TMEM132D: variants seen among roughly 807,000 people sequenced by gnomAD.
TMEM132D encodes transmembrane protein 132D.
TMEM132D carries 21 observed loss-of-function variants against 62.3 expected under a neutral mutation model. The ratio of observed to expected loss-of-function variants is 0.34; its 90% confidence interval spans 0.24 to 0.49. The LOEUF is 0.49. TMEM132D is among the 20% of genes least tolerant of loss of function. The pLI is 0.99. For missense variants in TMEM132D, 1,346 were observed against 1,402.8 expected (o/e 0.96, Z 0.65); for synonymous variants, 621 against 575.6 (o/e 1.08, Z -1.13).
At chr12:129,288,316 A>G (rs1881360771) in intron 4 of TMEM132D, among the ~76,000 whole-genome samples, 1 of 152,228 alleles carries the variant, frequency 6.6e-6, no homozygotes, top group Non-Finnish European at 1.5e-5. Flanking sequence ...ATGAAACGGG[A>G]AAATATTTGC....
In TMEM132D at chr12:129,813,630, A is replaced by ATATT. The variant is rs1555233398; in HGVS notation, c.79+89630_79+89631insAATA. On this transcript the variant is annotated intron_variant, in intron 1 of 8. Transcript: ENST00000422113. ...AAATGTGATATATATATATATATAT[A>ATATT]TTTTCAGGACTATTTCAGACATTGG... 4.8e-4 allele frequency among the ~76,000 whole-genome samples: 71 copies of ATATT among 147,146 alleles called. 1 individual carries two copies. The highest frequency in any genetic ancestry group is 1.5e-3 in the African/African-American group (59 of 40,054).
intron 3 of TMEM132D, among the ~76,000 whole-genome samples, chr12:129,445,842 G>A (rs1873080822): frequency 6.6e-6 from 1 of 152,166 alleles, no homozygotes; most frequent in Non-Finnish European, 1.5e-5. Flanking sequence ...TTATGTGCAG[G>A]AAGTTATTGG....
Position 129,449,119 on chromosome 12 carries a change from G to A in TMEM132D, c.1115+81940C>T, listed in dbSNP as rs200461574. ...AAGTGAGATTTCATGGTTCACAATGGGAATGGAGTATTGTTAAGAGGGAAG... is the reference window on the plus strand; with the variant it reads ...AAGTGAGATTTCATGGTTCACAATGAGAATGGAGTATTGTTAAGAGGGAAG... On this transcript the variant is annotated intron_variant, in intron 3 of 8. Coordinates refer to ENST00000422113, the MANE Select transcript of TMEM132D (RefSeq NM_133448.3). Among the ~76,000 whole-genome samples, 8 of 152,216 alleles carry A rather than the reference G, an allele frequency of 5.3e-5. No homozygotes were observed. In the East Asian group the frequency reaches 1.2e-3, roughly 22 times the overall value.
At chr12:129,560,600 A>T (rs1427784448) in intron 2 of TMEM132D, among the ~76,000 whole-genome samples, 1 of 152,216 alleles carries the variant, frequency 6.6e-6, no homozygotes, top group Non-Finnish European at 1.5e-5. Context: ...GATATACAAG[A>T]AGACAAACTA....
chr12:129,745,133 G>T (rs1412400325), intron 1 of TMEM132D, among the ~76,000 whole-genome samples: 1 of 152,132 alleles, frequency 6.6e-6, no homozygotes, highest in Non-Finnish European at 1.5e-5. Flanking sequence ...CAGCTGTGTG[G>T]AACTGTGAGT....
At chr12:129,095,542 G>A (rs1875083594) in intron 5 of TMEM132D, among the ~76,000 whole-genome samples, 1 of 152,042 alleles carries the variant, frequency 6.6e-6, no homozygotes, top group Admixed American at 6.6e-5. Context: ...AGTAGAGATG[G>A]GGTTTTGCCA....
At chr12:129,578,832 T>A (rs957556745) in intron 2 of TMEM132D, among the ~76,000 whole-genome samples, 1 of 152,164 alleles carries the variant, frequency 6.6e-6, no homozygotes, top group African/African-American at 2.4e-5. Context: ...ATTCAGACCT[T>A]CAACGGGTTG....
intron 2 of TMEM132D, among the ~76,000 whole-genome samples, chr12:129,677,153 T>C (rs1379337714): frequency 6.6e-6 from 1 of 152,176 alleles, no homozygotes; most frequent in African/African-American, 2.4e-5. Context: ...TCATCTTGAA[T>C]TGTAACTCCC....
intron 3 of TMEM132D, among the ~76,000 whole-genome samples, chr12:129,340,969 G>A (rs751439882): frequency 6.6e-6 from 1 of 152,156 alleles, no homozygotes; most frequent in Non-Finnish European, 1.5e-5. Flanking sequence ...TCTACAGTAC[G>A]ATTATGGACC....
At chr12:129,307,627 A>G (rs1033697262) in intron 4 of TMEM132D, among the ~76,000 whole-genome samples, 4 of 152,118 alleles carry the variant, frequency 2.6e-5, no homozygotes, top group Non-Finnish European at 5.9e-5. Flanking sequence ...AGGCTTCCTC[A>G]GACATTCTCT....
At chr12:129,257,204 C>CTTTT (rs10609616) in intron 4 of TMEM132D, among the ~76,000 whole-genome samples, 75 of 122,586 alleles carry the variant, frequency 6.1e-4, no homozygotes, top group Non-Finnish European at 8.0e-4. Flanking sequence ...CTGTTTCTTT[C>CTTTT]TTTTTTTTTT....
At chr12:129,600,763 C>T (rs775101796) in intron 2 of TMEM132D, among the ~76,000 whole-genome samples, 2 of 152,144 alleles carry the variant, frequency 1.3e-5, no homozygotes, top group Non-Finnish European at 2.9e-5. Flanking sequence ...CAGATCTCAA[C>T]AGTGGGCTTA....
At chr12:129,439,785 A>T (rs950793629) in intron 3 of TMEM132D, among the ~76,000 whole-genome samples, 3 of 151,960 alleles carry the variant, frequency 2.0e-5, no homozygotes, top group African/African-American at 7.3e-5. Context: ...AATTTTACTA[A>T]ATTTTATTTT....
chr12:129,775,527 C>T (rs537875912), intron 1 of TMEM132D, among the ~76,000 whole-genome samples: 17 of 152,260 alleles, frequency 1.1e-4, no homozygotes, highest in African/African-American at 2.9e-4. Context: ...TTTCTGCATC[C>T]GTTAGCATGT....
intron 1 of TMEM132D, among the ~76,000 whole-genome samples, chr12:129,701,619 C>A (rs951050620): frequency 2.0e-5 from 3 of 152,114 alleles, no homozygotes; most frequent in African/African-American, 7.2e-5. Flanking sequence ...GAGAAAAATC[C>A]AAAATGTTAT....
chr12:129,309,710 A>T (rs1220172335), intron 4 of TMEM132D, among the ~76,000 whole-genome samples: 1 of 152,120 alleles, frequency 6.6e-6, no homozygotes, highest in Non-Finnish European at 1.5e-5. Context: ...GTATAGATAG[A>T]AAAATTTAGA....
intron 3 of TMEM132D, among the ~76,000 whole-genome samples, chr12:129,474,536 T>G (rs1338779552): frequency 6.6e-6 from 1 of 152,204 alleles, no homozygotes; most frequent in Admixed American, 6.5e-5. Context: ...AGTGTTCTTC[T>G]GCTGGGACTA....
In TMEM132D at chr12:129,239,490, T is replaced by C. The variant is rs528195960; in HGVS notation, c.1300-29827A>G. Among the ~76,000 whole-genome samples the C allele has an allele frequency of 2.6e-5, 4 of 152,206 alleles. No individual in the cohort carries two copies. The South Asian group carries it at 6.2e-4, about 24-fold the overall frequency. ...GACTGAACAGTGTCCTCGCAAAAGATATGTGCAAGTTCTAACCCTCAGTAC... is the reference window on the plus strand; with the variant it reads ...GACTGAACAGTGTCCTCGCAAAAGACATGTGCAAGTTCTAACCCTCAGTAC... On this transcript the variant is annotated intron_variant, in intron 4 of 8. Coordinates refer to ENST00000422113, the MANE Select transcript of TMEM132D (RefSeq NM_133448.3).
At chr12:129,240,786 T>C (rs1233198930) in intron 4 of TMEM132D, among the ~76,000 whole-genome samples, 1 of 152,162 alleles carries the variant, frequency 6.6e-6, no homozygotes, top group Non-Finnish European at 1.5e-5. Context: ...GCCGATGCTC[T>C]TCCACCAGAA....
Sources: allele counts gnomAD v4.1 joint callset (sites outside exome capture counted in the v4.1 genomes callset), GRCh38; gene constraint gnomAD v4.1.1; transcripts MANE v1.5; gene names NCBI Gene and HGNC (gene_info 2026-07-23, HGNC 2026-07-21).